Variants in ST8SIA6 observed in about 807,000 individuals in gnomAD.
ST8SIA6 encodes the protein alpha-2,8-sialyltransferase 8F.
In ST8SIA6, 39 loss-of-function variants were observed where a neutral mutation model predicts 33.6. The ratio of observed to expected loss-of-function variants is 1.16; its 90% confidence interval spans 0.90 to 1.52. ST8SIA6 has a LOEUF of 1.52. Ranked by LOEUF, ST8SIA6 falls within the 40% of genes most tolerant of loss-of-function variation. ST8SIA6 has a pLI of 0.00. For synonymous variants in ST8SIA6, 172 were observed against 167.2 expected (o/e 1.03, Z -0.22); for missense variants, 441 against 443.8 (o/e 0.99, Z 0.06).
chr10:17,399,271 G>A (rs149917089), intron 2 of ST8SIA6: 1 of 152,250 alleles, frequency 6.6e-6, no homozygotes, highest in African/African-American at 2.4e-5. Context: ...AGCCTGGTGG[G>A]GATGACAGAC....
chr10:17,326,788 G>C (rs574734831), intron 6 of ST8SIA6, among the ~76,000 whole-genome samples: 1 of 152,080 alleles, frequency 6.6e-6, no homozygotes, highest in Non-Finnish European at 1.5e-5. Flanking sequence ...ATTTCACCCA[G>C]AGTTTCCTAA....
rs892405153 is a variant in ST8SIA6, at chr10:17,315,994, T to C, written c.*4884A>G. The stretch of plus-strand genomic sequence containing the variant: ...GAGTTGAATACTAGCTCTGCTCTTA[T>C]ATATAATGCAACCTTATATAAGTTA... On this transcript the variant is annotated 3_prime_UTR_variant, in exon 8 of 8. Coordinates refer to ENST00000377602, the MANE Select transcript of ST8SIA6 (RefSeq NM_001004470.3). Among the ~76,000 whole-genome samples the C allele has an allele frequency of 5.3e-5, 8 of 152,082 alleles. No homozygotes were observed. Among genetic ancestry groups the C allele is most frequent in the Admixed American group, 4.6e-4 (7 of 15,262 alleles).
At chr10:17,419,452 A>T (rs559241682) in intron 2 of ST8SIA6, among the ~76,000 whole-genome samples, 3 of 150,918 alleles carry the variant, frequency 2.0e-5, no homozygotes, top group Non-Finnish European at 4.4e-5. Flanking sequence ...GGATGGCTTG[A>T]GGGGGAGGAT....
rs1003058900 is a variant in ST8SIA6, at chr10:17,377,359, A to C, written c.290+13172T>G. Among the ~76,000 whole-genome samples, 8 of 152,162 alleles carry C rather than the reference A, an allele frequency of 5.3e-5. No individual in the cohort carries two copies. In the South Asian group the frequency reaches 6.2e-4, roughly 12 times the overall value. Reference sequence around the variant, plus strand: ...GTGATTAAAAAGCTTTATTGTTCACACAAAGCCTGTTTGGTGGTCTCTTCA... The same window carrying C: ...GTGATTAAAAAGCTTTATTGTTCACCCAAAGCCTGTTTGGTGGTCTCTTCA... On this transcript the variant is annotated intron_variant, in intron 3 of 7. Coordinates refer to ENST00000377602, the MANE Select transcript of ST8SIA6 (RefSeq NM_001004470.3).
intron 2 of ST8SIA6, among the ~76,000 whole-genome samples, chr10:17,439,752 A>T (rs1394210603): frequency 6.6e-6 from 1 of 152,160 alleles, no homozygotes; most frequent in Non-Finnish European, 1.5e-5. Flanking sequence ...CCCACGTGTC[A>T]ATTTAGAGAC....
chr10:17,358,439 A>G (rs1849266214), intron 4 of ST8SIA6, among the ~76,000 whole-genome samples: 1 of 152,226 alleles, frequency 6.6e-6, no homozygotes, highest in Non-Finnish European at 1.5e-5. Flanking sequence ...TAATTTTTTT[A>G]CAAGTTTAAT....
chr10:17,329,333 G>A (rs4747304), intron 5 of ST8SIA6, among the ~76,000 whole-genome samples: 63,808 of 152,092 alleles, frequency 0.42, 15,507 homozygotes, highest in African/African-American at 0.67. Flanking sequence ...GAACCCAGGC[G>A]GTTTGCTCCA....
chr10:17,384,351 T>C (rs897470152), intron 3 of ST8SIA6, among the ~76,000 whole-genome samples: 1 of 152,244 alleles, frequency 6.6e-6, no homozygotes, highest in African/African-American at 2.4e-5. Flanking sequence ...ATTGCTTCTA[T>C]GGAACAGAGT....
rs571960894 is a variant in ST8SIA6 at position 17,321,725 on chromosome 10, A to T, written c.729-379T>A. On this transcript the variant is annotated intron_variant, in intron 7 of 7. Transcript: ENST00000377602. ...TTTTTCAAGCATAGTATGCATATCA[A>T]TACATTTTAAAAAATTCATTGAGCT... Among the ~76,000 whole-genome samples the T allele has an allele frequency of 3.9e-5, 6 of 152,326 alleles. No individual in the cohort carries two copies. The East Asian group carries it at 7.7e-4, about 20-fold the overall frequency.
chr10:17,382,511 C>T (rs111547447), intron 3 of ST8SIA6, among the ~76,000 whole-genome samples: 280 of 152,278 alleles, frequency 1.8e-3, no homozygotes, highest in African/African-American at 6.4e-3. Flanking sequence ...GGTGATCTGC[C>T]GGCCTCAGCC....
intron 3 of ST8SIA6, among the ~76,000 whole-genome samples, chr10:17,374,402 C>A (rs1380036079): frequency 1.3e-5 from 2 of 151,722 alleles, no homozygotes; most frequent in Non-Finnish European, 2.9e-5. Flanking sequence ...TTTTCAGAGG[C>A]TTCTATCATA....
intron 3 of ST8SIA6, among the ~76,000 whole-genome samples, chr10:17,360,996 G>C (rs1209928314): frequency 6.6e-6 from 1 of 151,102 alleles, no homozygotes; most frequent in Non-Finnish European, 1.5e-5. Context: ...GGGAGAAGAA[G>C]AATCAACCAA....
At chr10:17,375,713 G>C (rs550053899) in intron 3 of ST8SIA6, among the ~76,000 whole-genome samples, 1 of 152,332 alleles carries the variant, frequency 6.6e-6, no homozygotes, top group African/African-American at 2.4e-5. Flanking sequence ...CTGAATACAA[G>C]TGAGCCCACC....
intron 2 of ST8SIA6, among the ~76,000 whole-genome samples, chr10:17,437,371 T>C (rs1852303387): frequency 6.6e-6 from 1 of 152,204 alleles, no homozygotes; most frequent in Admixed American, 6.5e-5. Context: ...ATGGTCTCAC[T>C]ATGTTGCTCA....
chr10:17,417,548 A>G (rs1022201313), intron 2 of ST8SIA6, among the ~76,000 whole-genome samples: 26 of 147,334 alleles, frequency 1.8e-4, no homozygotes, highest in Non-Finnish European at 2.2e-4. Flanking sequence ...CTTTCCTACC[A>G]CTTAGCACAG....
At chr10:17,387,287 C>T (rs11815556) in intron 3 of ST8SIA6, among the ~76,000 whole-genome samples, 5,784 of 151,128 alleles carry the variant, frequency 0.038, 141 homozygotes, top group African/African-American at 0.063. Flanking sequence ...GTTTCGCTCT[C>T]GTCACCCGGG....
chr10:17,416,521 C>G (rs1242227660), intron 2 of ST8SIA6, among the ~76,000 whole-genome samples: 1 of 152,192 alleles, frequency 6.6e-6, no homozygotes, highest in African/African-American at 2.4e-5. Flanking sequence ...CTTTGACTTC[C>G]CTCTTTTCCA....
At chr10:17,438,001 A>G (rs1222799793) in intron 2 of ST8SIA6, among the ~76,000 whole-genome samples, 1 of 151,394 alleles carries the variant, frequency 6.6e-6, no homozygotes, top group Non-Finnish European at 1.5e-5. Flanking sequence ...AGTGCTGGGA[A>G]TACAGGTGTG....
At chr10:17,441,012 T>C (rs114176559) in intron 2 of ST8SIA6, among the ~76,000 whole-genome samples, 166 of 152,350 alleles carry the variant, frequency 1.1e-3, no homozygotes, top group African/African-American at 3.5e-3. Flanking sequence ...AAGTCTTTTA[T>C]TGGATGTATG....
Sources: allele counts gnomAD v4.1 joint callset (sites outside exome capture counted in the v4.1 genomes callset), GRCh38; gene constraint gnomAD v4.1.1; transcripts MANE v1.5; gene names NCBI Gene and HGNC (gene_info 2026-07-23, HGNC 2026-07-21).